Variants in RAD51C observed in about 807,000 individuals in gnomAD.
The protein encoded by RAD51C is RAD51 paralog C, also known as DNA repair protein RAD51 homolog 3.
In RAD51C, 42 loss-of-function variants were observed where a neutral mutation model predicts 45.0. That is an observed-to-expected ratio of 0.93 (90% CI 0.73 to 1.21). The LOEUF is 1.21. Among genes scored for constraint, RAD51C ranks in the 50% most tolerant of loss-of-function variants. The pLI is 0.00. For synonymous variants in RAD51C, 172 were observed against 159.8 expected, an observed-to-expected ratio of 1.08 and a Z score of -0.58; for missense variants, 474 against 452.2, an observed-to-expected ratio of 1.05 and a Z score of -0.44.
chr17:58,710,099 C>T, intron 5 of RAD51C, 109 bp downstream of exon 5: 1 of 1,261,996 alleles, frequency 7.9e-7, no homozygotes, highest in Admixed American at 1.8e-5. Context: ...TATAGACATG[C>T]AGTTTTGAGT....
chr17:58,692,591 C>T (rs28363299), upstream of RAD51C: 10 of 1,610,210 alleles, frequency 6.2e-6, no homozygotes, highest in Non-Finnish European at 7.6e-6. Context: ...GCCGCACGCC[C>T]CAGCGAGGGC....
chr17:58,700,719 C>T (rs527311997), intron 3 of RAD51C, among the ~76,000 whole-genome samples: 4 of 152,196 alleles, frequency 2.6e-5, no homozygotes, highest in East Asian at 1.9e-4. Context: ...GGATTACAGG[C>T]GTGAGCCACC....
chr17:58,702,812 A>G (rs1013675269), intron 3 of RAD51C, among the ~76,000 whole-genome samples: 62 of 152,006 alleles, frequency 4.1e-4, no homozygotes, highest in African/African-American at 1.3e-3. Flanking sequence ...GCAGCGAGCT[A>G]TGATTGTGCC....
intron 5 of RAD51C, among the ~76,000 whole-genome samples, chr17:58,719,344 CT>C (rs1020008272): frequency 2.0e-5 from 3 of 152,004 alleles, no homozygotes; most frequent in African/African-American, 7.2e-5. Context: ...TCCTGAGTAG[CT>C]GGGACTACAG....
intron 5 of RAD51C, among the ~76,000 whole-genome samples, chr17:58,716,304 G>A (rs1337795671): frequency 2.6e-5 from 4 of 152,030 alleles, no homozygotes; most frequent in Non-Finnish European, 4.4e-5. Flanking sequence ...CTAAAGATAC[G>A]TAGTGCGTAA....
At chr17:58,715,510 T>TC (rs1372369058) in intron 5 of RAD51C, among the ~76,000 whole-genome samples, 2 of 147,290 alleles carry the variant, frequency 1.4e-5, no homozygotes, top group African/African-American at 2.5e-5. Flanking sequence ...TATTCTACCC[T>TC]CCCCCAGTCC....
chr17:58,696,456 A>AATAAT (rs1442939988), intron 2 of RAD51C, among the ~76,000 whole-genome samples: 2 of 152,038 alleles, frequency 1.3e-5, no homozygotes, highest in East Asian at 3.9e-4. Context: ...AATAAAATAA[A>AATAAT]ATATCCTTAA....
At chr17:58,723,946 A>G (rs2049015616) in intron 6 of RAD51C, 94 bp from the exon 7 acceptor site, 27 of 1,138,544 alleles carry the variant, frequency 2.4e-5, no homozygotes. Flanking sequence ...ATGTTAAATT[A>G]ATAAAGTAAG....
chr17:58,726,668 A>G (rs933432916), intron 7 of RAD51C, among the ~76,000 whole-genome samples: 1 of 151,528 alleles, frequency 6.6e-6, no homozygotes, highest in Non-Finnish European at 1.5e-5. Flanking sequence ...GTATATACAT[A>G]TACGTATGTA....
chr17:58,695,355 C>G lies in RAD51C; in HGVS notation c.404+166C>G, dbSNP rs1324566251. 4 of 1,386,970 alleles carry G rather than the reference C, an allele frequency of 2.9e-6. No homozygotes were observed. The Admixed American group carries it at 1.3e-4, about 43-fold the overall frequency. 85.9% of individuals were successfully genotyped at this position (1,386,970 alleles called of 1,614,324 possible). A position where few individuals can be genotyped will look rare whatever the true frequency, so the allele number is the denominator to read the frequency against. On this transcript the variant is annotated intron_variant, in intron 2 of 8. Coordinates refer to ENST00000337432, the MANE Select transcript of RAD51C (RefSeq NM_058216.3). ...CTTACTATTTGTGTTACTTCATTATCCCTTCTTGATAAATGTATGCAATTA... is the reference window on the plus strand; with the variant it reads ...CTTACTATTTGTGTTACTTCATTATGCCTTCTTGATAAATGTATGCAATTA...
At chr17:58,718,186 T>TG (rs1280738698) in intron 5 of RAD51C, among the ~76,000 whole-genome samples, 2 of 151,980 alleles carry the variant, frequency 1.3e-5, no homozygotes, top group Non-Finnish European at 1.5e-5. Flanking sequence ...TTGGTAGAGA[T>TG]GGGGTATCGC....
chr17:58,727,269 C>T (rs533574636), intron 7 of RAD51C, among the ~76,000 whole-genome samples: 1 of 151,914 alleles, frequency 6.6e-6, no homozygotes, highest in South Asian at 2.1e-4. Flanking sequence ...GGATTGTAGG[C>T]GCCTGCCACC....
At chr17:58,731,336 C>T (rs189603977) in intron 7 of RAD51C, among the ~76,000 whole-genome samples, 91 of 151,558 alleles carry the variant, frequency 6.0e-4, no homozygotes, top group African/African-American at 2.0e-3. Flanking sequence ...CTCAGCTCAC[C>T]GCAACCTCTG....
chr17:58,712,371 TTTAAG>T (rs1012640947), intron 5 of RAD51C, among the ~76,000 whole-genome samples: 18 of 150,790 alleles, frequency 1.2e-4, no homozygotes, highest in African/African-American at 4.1e-4. Context: ...AAAAAGAAAT[TTTAAG>T]TTATGTATGC....
chr17:58,696,086 T>C (rs1216767769), intron 2 of RAD51C, among the ~76,000 whole-genome samples: 1 of 138,660 alleles, frequency 7.2e-6, no homozygotes, highest in Non-Finnish European at 1.6e-5. Flanking sequence ...AAAAAAAAGG[T>C]AGATTTATGT....
chr17:58,728,545 G>C (rs777335092), intron 7 of RAD51C, among the ~76,000 whole-genome samples: 1 of 151,674 alleles, frequency 6.6e-6, no homozygotes, highest in African/African-American at 2.4e-5. Flanking sequence ...CCACAGGCAT[G>C]TACCACCACA....
intron 4 of RAD51C, chr17:58,706,493 A>G (rs2048383683): frequency 1.2e-5 from 5 of 430,946 alleles, no homozygotes; most frequent in Non-Finnish European, 9.6e-6. Context: ...TTCCAGGCCC[A>G]CTGCAGTAGC....
intron 2 of RAD51C, among the ~76,000 whole-genome samples, chr17:58,695,670 A>G (rs1439827269): frequency 3.3e-5 from 5 of 152,100 alleles, no homozygotes; most frequent in African/African-American, 1.2e-4. Flanking sequence ...CTGTGGTCCT[A>G]GCTACTTGGG....
intron 5 of RAD51C, among the ~76,000 whole-genome samples, 156 bp downstream of exon 5, chr17:58,710,146 G>T (rs2048506904): frequency 1.3e-5 from 2 of 151,878 alleles, no homozygotes; most frequent in Admixed American, 6.6e-5. Context: ...AAAAAATTCT[G>T]GTCATAAGTG....
Sources: allele counts gnomAD v4.1 joint callset (sites outside exome capture counted in the v4.1 genomes callset), GRCh38; gene constraint gnomAD v4.1.1; transcripts MANE v1.5; gene names NCBI Gene and HGNC (gene_info 2026-07-23, HGNC 2026-07-21).